Variants in EPM2A observed in about 807,000 individuals in gnomAD.
EPM2A encodes the protein EPM2A glucan phosphatase, laforin.
In EPM2A, 21 loss-of-function variants were observed where a neutral mutation model predicts 26.5. That is an observed-to-expected ratio of 0.79 (90% confidence interval 0.56 to 1.14). The LOEUF (loss-of-function observed/expected upper bound fraction) is 1.14. Ranked by LOEUF, EPM2A falls within the 50% of genes most tolerant of loss-of-function variation. EPM2A has a pLI of 0.00. For synonymous variants in EPM2A, 217 were observed against 177.6 expected, an observed-to-expected ratio of 1.22 and a Z score of -1.76; for missense variants, 458 against 440.8, an observed-to-expected ratio of 1.04 and a Z score of -0.35.
At chr6:145,470,590 C>A (rs1256049829) in intron 4 of EPM2A, among the ~76,000 whole-genome samples, 1 of 152,180 alleles carries the variant, frequency 6.6e-6, no homozygotes, top group Non-Finnish European at 1.5e-5. Context: ...AAGAATAATG[C>A]TATTGAAGTA....
chr6:145,666,100 G>A (rs925819401), intron 2 of EPM2A, among the ~76,000 whole-genome samples: 3 of 146,574 alleles, frequency 2.0e-5, no homozygotes, highest in Non-Finnish European at 3.0e-5. Context: ...TTTGAAAACT[G>A]GCACAAGACA....
At chr6:145,608,201 C>A (rs1159629152) in intron 2 of EPM2A, among the ~76,000 whole-genome samples, 1 of 152,146 alleles carries the variant, frequency 6.6e-6, no homozygotes, top group African/African-American at 2.4e-5. Context: ...TTGTTAATTT[C>A]TCCTTGTGGT....
intron 2 of EPM2A, among the ~76,000 whole-genome samples, chr6:145,506,834 C>T (rs1443480068): frequency 6.6e-6 from 1 of 152,158 alleles, no homozygotes. Context: ...GATCTTGTTT[C>T]AGACTGGCCC....
intron 4 of EPM2A, among the ~76,000 whole-genome samples, chr6:145,420,303 C>A (rs1778765200): frequency 6.6e-6 from 1 of 152,030 alleles, no homozygotes; most frequent in South Asian, 2.1e-4. Context: ...ATGGAATATA[C>A]CCATATGCTT....
intron 4 of EPM2A, among the ~76,000 whole-genome samples, chr6:145,454,480 G>A (rs932862319): frequency 1.3e-5 from 2 of 152,070 alleles, no homozygotes; most frequent in African/African-American, 4.8e-5. Context: ...ATATTCTCAA[G>A]ATAGTGAACA....
intron 2 of EPM2A, among the ~76,000 whole-genome samples, chr6:145,647,677 C>CAGGA (rs1562439990): frequency 1.4e-5 from 2 of 144,826 alleles, no homozygotes; most frequent in African/African-American, 5.2e-5. Flanking sequence ...GGAAGGAAGG[C>CAGGA]AGGAAGGAAG....
chr6:145,564,028 G>A (rs964991403), intron 2 of EPM2A, among the ~76,000 whole-genome samples: 2 of 152,066 alleles, frequency 1.3e-5, no homozygotes, highest in Admixed American at 6.6e-5. Context: ...ATCATCTACT[G>A]TAAATCATCT....
chr6:145,512,710 C>CAAAAAAAAAAAAA (rs58668403), intron 2 of EPM2A, among the ~76,000 whole-genome samples: 1 of 22,542 alleles, frequency 4.4e-5, no homozygotes, highest in Non-Finnish European at 1.1e-4. Flanking sequence ...GACTCCATCT[C>CAAAAAAAAAAAAA]AAAAAAAAAA....
At chr6:145,679,216 A>C (rs1387824004) in intron 2 of EPM2A, among the ~76,000 whole-genome samples, 7 of 146,434 alleles carry the variant, frequency 4.8e-5, no homozygotes, top group African/African-American at 1.8e-4. Flanking sequence ...CAATGAGAAC[A>C]CTTGGACACA....
intron 1 of EPM2A, chr6:145,722,776 T>C (rs1270728016): frequency 1.3e-5 from 6 of 451,822 alleles, no homozygotes; most frequent in South Asian, 7.9e-5. Flanking sequence ...CAATCCAATA[T>C]GATTAGTGCC....
At chr6:145,392,348 T>C (rs978012691) in intron 4 of EPM2A, among the ~76,000 whole-genome samples, 3 of 152,142 alleles carry the variant, frequency 2.0e-5, no homozygotes, top group African/African-American at 7.2e-5. Context: ...ACTTGACCAG[T>C]ATATTTAAAA....
At chr6:145,600,559 G>A (rs540441751) in intron 2 of EPM2A, among the ~76,000 whole-genome samples, 12 of 152,318 alleles carry the variant, frequency 7.9e-5, no homozygotes, top group African/African-American at 2.9e-4. Flanking sequence ...TTGCTTAGGA[G>A]TGTGTACCAG....
At chr6:145,509,709 G>A (rs371987458) in intron 2 of EPM2A, among the ~76,000 whole-genome samples, 282 of 152,178 alleles carry the variant, frequency 1.9e-3, no homozygotes, top group Middle Eastern at 6.8e-3. Flanking sequence ...AAAGCACTAC[G>A]AAAGGAACAA....
chr6:145,535,175 G>A (rs866745755), intron 2 of EPM2A, among the ~76,000 whole-genome samples: 3 of 152,160 alleles, frequency 2.0e-5, no homozygotes, highest in Non-Finnish European at 4.4e-5. Context: ...CATGAGACAC[G>A]CAGCATTAAA....
At chr6:145,385,470 GT>G (rs2114652422) in intron 4 of EPM2A, among the ~76,000 whole-genome samples, 1 of 152,162 alleles carries the variant, frequency 6.6e-6, no homozygotes, top group African/African-American at 2.4e-5. Flanking sequence ...TAAACTCCCA[GT>G]TTTTTACTGA....
intron 2 of EPM2A, among the ~76,000 whole-genome samples, chr6:145,583,724 C>T (rs1028775096): frequency 3.9e-5 from 6 of 152,214 alleles, no homozygotes; most frequent in African/African-American, 1.2e-4. Context: ...ATGGGACAGA[C>T]GCATCCATGC....
chr6:145,569,004 C>G (rs1018538116), intron 2 of EPM2A, among the ~76,000 whole-genome samples: 1 of 152,188 alleles, frequency 6.6e-6, no homozygotes, highest in African/African-American at 2.4e-5. Context: ...GGGGAGGAGG[C>G]AGCCATAGGC....
intron 2 of EPM2A, among the ~76,000 whole-genome samples, chr6:145,648,525 G>C (rs1197414684): frequency 6.6e-6 from 1 of 152,200 alleles, no homozygotes; most frequent in Non-Finnish European, 1.5e-5. Flanking sequence ...AATGTTAGCT[G>C]TTAACGCAGG....
At chr6:145,426,428 C>T (rs557108988) in intron 4 of EPM2A, among the ~76,000 whole-genome samples, 1 of 152,264 alleles carries the variant, frequency 6.6e-6, no homozygotes, top group South Asian at 2.1e-4. Flanking sequence ...CATATTATTC[C>T]ACAATGATTT....
Sources: gnomAD v4.1 joint callset for allele counts (sites outside exome capture counted in the v4.1 genomes callset) on GRCh38, gnomAD v4.1.1 for gene constraint, MANE v1.5 for transcripts, NCBI Gene and HGNC (gene_info 2026-07-23, HGNC 2026-07-21) for gene names.